The following MYBBP1A variants were observed in gnomAD, a reference collection of about 807,000 sequenced individuals.
MYBBP1A encodes myb-binding protein 1A.
In MYBBP1A, 147 loss-of-function variants were observed where a neutral mutation model predicts 136.3. The observed-to-expected ratio is 1.08, with a 90% confidence interval of 0.94 to 1.24. MYBBP1A has a LOEUF of 1.24. Ranked by LOEUF, MYBBP1A falls within the 50% of genes most tolerant of loss-of-function variation. MYBBP1A has a pLI of 0.00. For synonymous variants in MYBBP1A, 947 were observed against 735.8 expected, an observed-to-expected ratio of 1.29 and a Z score of -4.65; for missense variants, 2,060 against 1,727.4, an observed-to-expected ratio of 1.19 and a Z score of -3.41.
intron 8 of MYBBP1A, among the ~76,000 whole-genome samples, chr17:4,551,188 C>T (rs1248272404): frequency 1.3e-5 from 2 of 152,242 alleles, no homozygotes; most frequent in East Asian, 1.9e-4. Flanking sequence ...TCCCCCTCAC[C>T]CAGAATGACA....
rs764202914 is a variant in MYBBP1A, at chr17:4,554,870, G to A, written c.285C>T (p.Ala95=). Residue 95 remains alanine, a synonymous_variant, in exon 2 of 26, where the codon GCC becomes GCT. Coordinates refer to ENST00000254718, the MANE Select transcript of MYBBP1A (RefSeq NM_014520.4). ...RETARPCYSL[A]LAQLLQSFED... ...AGGAGCACCACCTCACCTGTGCCAG[G>A]GCCAAACTGTAGCAGGGCCGGGCTG... 1 of 1,613,492 alleles carries A rather than the reference G, an allele frequency of 6.2e-7. No individual in the cohort carries two copies. The highest frequency in any genetic ancestry group is 1.1e-5 in the South Asian group (1 of 91,070).
At position 4,550,194 on chromosome 17, in the gene MYBBP1A, C is replaced by G; in HGVS notation, c.1183G>C (p.Val395Leu). ...LPVTPTFWRVVRFLSPPALQG... is the reference protein window; with the variant it reads ...LPVTPTFWRVLRFLSPPALQG... ...AGGGCCGGAGGGCTCAGGAACCGCA[C>G]GACCCGCCAGAAAGTAGGCGTGACA... The change falls in exon 9 of 26, where the codon GTG becomes CTG. Residue 395 changes from valine (V) to leucine (L), a missense_variant. Coordinates refer to ENST00000254718, the MANE Select transcript of MYBBP1A (RefSeq NM_014520.4). 3 of 1,613,850 alleles carry G rather than the reference C, an allele frequency of 1.9e-6. No individual in the cohort carries two copies. The highest frequency in any genetic ancestry group is 1.1e-5 in the South Asian group (1 of 91,086).
chr17:4,552,556 G>A lies in MYBBP1A; in HGVS notation c.632C>T (p.Ser211Phe), dbSNP rs370966981. ...GAGGAAGAGCTCTAGCTGTTCAGGG[G>A]AGCTGAGTATTATATTCAAGTCGGC... ...LKADLNIILS[S>F]PEQLELFLLA... The change falls in exon 6 of 26, where the codon TCC becomes TTC. Residue 211 changes from serine (S) to phenylalanine (F), a missense_variant. Ser to Phe is a radical substitution (Grantham distance 155). Transcript: ENST00000254718. This position sits in a 1 kb window ranked among gnomAD's most constrained non-coding sequence, Gnocchi z 4.7. 4.9e-5 allele frequency: 79 copies of A among 1,613,936 alleles called. No individual in the cohort carries two copies. The highest frequency in any genetic ancestry group is 6.6e-5 in the Non-Finnish European group (78 of 1,180,042).
chr17:4,554,979 G>C (rs752649708), intron 1 of MYBBP1A, 23 bp from the exon 2 acceptor site: 2 of 1,612,088 alleles, frequency 1.2e-6, no homozygotes. Flanking sequence ...GCACACCCTC[G>C]TGTTCAATGG....
rs769769256 is a variant in MYBBP1A, at chr17:4,548,552, G to C, written c.1528C>G (p.Arg510Gly). ...AAGAAGGCACTGCTGACAGCCTCTC[G>C]GGCCTGGTTTTCCAAAGGGAAGGAG... ...PFSFPLENQA[R>G]EAVSSAFFSL... is the part of the protein sequence containing the mutation. The change falls in exon 11 of 26, where the codon CGA (arginine) becomes GGA (glycine). Residue 510 changes from arginine to glycine, a missense_variant. Coordinates refer to ENST00000254718, the MANE Select transcript of MYBBP1A (RefSeq NM_014520.4). The surrounding 1 kb of genome is among the most constrained non-coding windows in gnomAD (Gnocchi z 4.2). 1 of 1,614,194 alleles carries C rather than the reference G, an allele frequency of 6.2e-7. No homozygotes were observed. The highest frequency in any genetic ancestry group is 8.5e-7 in the Non-Finnish European group (1 of 1,180,034).
Position 4,552,815 on chromosome 17 carries a change from TG to T in MYBBP1A, c.562-190del, listed in dbSNP as rs1907650792. Among the ~76,000 whole-genome samples, 1 of 138,348 alleles carries T rather than the reference TG, an allele frequency of 7.2e-6. No individual in the cohort carries two copies. The highest frequency in any genetic ancestry group is 2.5e-4 in the South Asian group (1 of 4,078). 90.8% of individuals were successfully genotyped at this position (138,348 alleles called of 152,430 possible). On this transcript the variant is annotated intron_variant, in intron 5 of 25. Coordinates refer to ENST00000254718, the MANE Select transcript of MYBBP1A (RefSeq NM_014520.4). The surrounding 1 kb of genome is among the most constrained non-coding windows in gnomAD (Gnocchi z 4.7). ...CATCCCACTGACGCTAACTGGCCCC[TG>T]GAGGTACCTGCCCCCCACCCCTTAT...
At position 4,542,915 on chromosome 17, in the gene MYBBP1A, G is replaced by A. The variant is rs1906590435; in HGVS notation, c.2890C>T (p.Gln964Ter). The change falls in exon 20 of 26, where the codon CAG becomes TAG. Residue 964 changes from glutamine (Q) to a stop codon, truncating the protein, a stop_gained and splice_region_variant. Transcript: ENST00000254718. LOFTEE classifies it high-confidence loss of function. The stretch of plus-strand genomic sequence containing the variant: ...CTCCTGGGCCAGGCCCTGCTCACCT[G>A]CGGGCCCGTGGGCATGTGGCTGGGG... Reference protein sequence around the residue: ...TDPSHMPTGPQAASCLDLNLV... With the variant: ...TDPSHMPTGP 6.2e-7 allele frequency: 1 copy of A among 1,613,826 alleles called. No individual in the cohort carries two copies. Among genetic ancestry groups the A allele is most frequent in the Non-Finnish European group, 8.5e-7 (1 of 1,179,948 alleles).
chr17:4,553,948 G>A, intron 4 of MYBBP1A, 31 bp from the exon 5 acceptor site: 1 of 1,613,532 alleles, frequency 6.2e-7, no homozygotes, highest in Non-Finnish European at 8.5e-7. Flanking sequence ...GAGGGTATGA[G>A]CAGGGCACAC....
At position 4,552,359 on chromosome 17, in the gene MYBBP1A, C is replaced by T. The variant is rs367655864; in HGVS notation, c.738-67G>A. ...CAAGGGCCAGGGTGACAAGAGCAGC[C>T]GGGACACCCCCAGGCCAAACGACAA... On this transcript the variant is annotated intron_variant, in intron 6 of 25. Coordinates refer to ENST00000254718, the MANE Select transcript of MYBBP1A (RefSeq NM_014520.4). This position sits in a 1 kb window ranked among gnomAD's most constrained non-coding sequence, Gnocchi z 4.7. The T allele has an allele frequency of 2.6e-4, 413 of 1,605,412 alleles. No individual in the cohort carries two copies. Among genetic ancestry groups the T allele is most frequent in the Middle Eastern group, 3.7e-4 (2 of 5,346 alleles).
intron 19 of MYBBP1A, among the ~76,000 whole-genome samples, chr17:4,544,253 C>A (rs1336978459): frequency 2.0e-5 from 3 of 149,790 alleles, no homozygotes; most frequent in Non-Finnish European, 4.4e-5. Flanking sequence ...CAGGGATGGA[C>A]CCCAGCTCCA....
rs149981671 is a variant in MYBBP1A, at chr17:4,541,826, C to T, written c.3153G>A (p.Glu1051=). Reference sequence around the variant, plus strand: ...GGACCTGGCCCATCAGCTGCTTCCACTCGGGGTCCTCAAAGCACGACCTCA... The same window carrying T: ...GGACCTGGCCCATCAGCTGCTTCCATTCGGGGTCCTCAAAGCACGACCTCA... ...REVRSCFEDP[E]WKQLMGQVLA... is the part of the protein sequence containing the mutation. The change falls in exon 23 of 26, where the codon GAG becomes GAA. Residue 1051 remains glutamate (E), a synonymous_variant. Coordinates refer to ENST00000254718, the MANE Select transcript of MYBBP1A (RefSeq NM_014520.4). 1.2e-6 allele frequency: 2 copies of T among 1,614,020 alleles called. No homozygotes were observed. The highest frequency in any genetic ancestry group is 2.7e-5 in the African/African-American group (2 of 74,946).
In MYBBP1A at chr17:4,552,087, AGGGAAGGG is replaced by A. The variant is rs748694002; in HGVS notation, c.905+30_905+37del. On this transcript the variant is annotated intron_variant, in intron 7 of 25. Coordinates refer to ENST00000254718, the MANE Select transcript of MYBBP1A (RefSeq NM_014520.4). The surrounding 1 kb of genome is among the most constrained non-coding windows in gnomAD (Gnocchi z 4.7). ...TAGTGGCCTAGCCCACTTCACGGAC[AGGGAAGGG>A]GGCCGAGAGAGGACACGCGTCGCCC... 2.5e-6 allele frequency: 4 copies of A among 1,603,334 alleles called. No homozygotes were observed. In the Admixed American group the frequency reaches 6.7e-5, roughly 27 times the overall value.
chr17:4,544,119 C>G (rs971760913), intron 19 of MYBBP1A, among the ~76,000 whole-genome samples: 2 of 151,332 alleles, frequency 1.3e-5, no homozygotes, highest in Admixed American at 6.6e-5. Flanking sequence ...TGGGTGTCCC[C>G]TGCCACAGGT....
At chr17:4,543,894 C>CA (rs1251889713) in intron 19 of MYBBP1A, among the ~76,000 whole-genome samples, 1 of 149,484 alleles carries the variant, frequency 6.7e-6, no homozygotes, top group Non-Finnish European at 1.5e-5. Flanking sequence ...CCCTTCCCCA[C>CA]GCCACTGCTC....
chr17:4,554,007 C>T lies in MYBBP1A; in HGVS notation c.453+12G>A. ...CCAGCCTACATTCCCCCAGTCCCTC[C>T]AAAGCTCTTACCTTCACCAGCCGAC... On this transcript the variant is annotated intron_variant, in intron 4 of 25. Transcript: ENST00000254718. The T allele has an allele frequency of 6.2e-7, 1 of 1,614,074 alleles. No homozygotes were observed. Among genetic ancestry groups the T allele is most frequent in the Non-Finnish European group, 8.5e-7 (1 of 1,180,010 alleles).
At position 4,543,124 on chromosome 17, in the gene MYBBP1A, C is replaced by T. The variant is rs1030226524; in HGVS notation, c.2681G>A (p.Gly894Asp). 1.2e-6 allele frequency: 2 copies of T among 1,611,310 alleles called. No individual in the cohort carries two copies. Among genetic ancestry groups the T allele is most frequent in the Non-Finnish European group, 1.7e-6 (2 of 1,178,906 alleles). Reference sequence around the variant, plus strand: ...GGCGTGCAGGGCCCCTGCGCGCTCACCCAAGTCGTGGCAGTAGCGCCGGGC... The same window carrying T: ...GGCGTGCAGGGCCCCTGCGCGCTCATCCAAGTCGTGGCAGTAGCGCCGGGC... ...CRARRYCHDL[G>D]ERAGALHAQV... is the part of the protein sequence containing the mutation. The change falls in exon 20 of 26, where the codon GGT becomes GAT. Residue 894 changes from glycine to aspartate, a missense_variant. Physicochemically the swap from Gly to Asp is moderately conservative, Grantham distance 94 (BLOSUM62 -1). Transcript: ENST00000254718.
chr17:4,552,031 C>T lies in MYBBP1A; in HGVS notation c.906-34G>A, dbSNP rs770346822. ...GGTGCAGGACAGAGCCTGGTCAGAG[C>T]CCTTGGTGCCCCTGGTGGGAACCTC... is the stretch of plus-strand genomic sequence containing the variant. On this transcript the variant is annotated intron_variant, in intron 7 of 25. Transcript: ENST00000254718. This position sits in a 1 kb window ranked among gnomAD's most constrained non-coding sequence, Gnocchi z 4.7. 1.0e-5 allele frequency: 16 copies of T among 1,595,110 alleles called. No homozygotes were observed. Among genetic ancestry groups the T allele is most frequent in the Non-Finnish European group, 1.3e-5 (15 of 1,167,946 alleles).
rs1272283539 is a variant in MYBBP1A at position 4,548,507 on chromosome 17, G to A, written c.1556+17C>T. 16 of 1,613,776 alleles carry A rather than the reference G, an allele frequency of 9.9e-6. No homozygotes were observed. In the South Asian group the frequency reaches 1.6e-4, roughly 17 times the overall value. Reference sequence around the variant, plus strand: ...CCTTCCCACCTTCGGACCTCTCCTGGGCTGCCCAAGACTCACCTGAAGAAG... The same window carrying A: ...CCTTCCCACCTTCGGACCTCTCCTGAGCTGCCCAAGACTCACCTGAAGAAG... On this transcript the variant is annotated intron_variant, in intron 11 of 25. Coordinates refer to ENST00000254718, the MANE Select transcript of MYBBP1A (RefSeq NM_014520.4). This position sits in a 1 kb window ranked among gnomAD's most constrained non-coding sequence, Gnocchi z 4.2.
In MYBBP1A at chr17:4,548,060, G is replaced by A. The variant is rs1485600475; in HGVS notation, c.1725-3C>T. The stretch of plus-strand genomic sequence containing the variant: ...GCTCCTTCAGAGTCTGCAGCATCCT[G>A]CGGGGAGACAGGCGATTCCCAGGCC... On this transcript the variant is annotated splice_polypyrimidine_tract_variant and splice_region_variant and intron_variant, in intron 12 of 25. Coordinates refer to ENST00000254718, the MANE Select transcript of MYBBP1A (RefSeq NM_014520.4). The surrounding 1 kb of genome is among the most constrained non-coding windows in gnomAD (Gnocchi z 4.2). The A allele has an allele frequency of 1.9e-6, 3 of 1,581,932 alleles. No individual in the cohort carries two copies. The Admixed American group carries it at 5.2e-5, about 28-fold the overall frequency.
Sources: allele counts gnomAD v4.1 joint callset (sites outside exome capture counted in the v4.1 genomes callset), GRCh38; gene constraint gnomAD v4.1.1; non-coding constraint Gnocchi (gnomAD v3.1); transcripts MANE v1.5; gene names NCBI Gene and HGNC (gene_info 2026-07-23, HGNC 2026-07-21).